Variants in AGTPBP1 observed in about 807,000 individuals in gnomAD.
AGTPBP1 encodes the protein cytosolic carboxypeptidase 1.
In AGTPBP1, 70 loss-of-function variants were observed where a neutral mutation model predicts 143.9. The observed-to-expected ratio is 0.49, with a 90% CI of 0.40 to 0.59. The LOEUF is 0.59. Ranked by LOEUF, AGTPBP1 falls within the 20% of genes least tolerant of loss-of-function variation. The probability of loss-of-function intolerance (pLI) is 0.00; values close to 1 mark genes in which losing one functional copy is unlikely to be tolerated. For missense variants in AGTPBP1, 1,229 were observed against 1,464.5 expected (o/e 0.84, Z 2.62); for synonymous variants, 463 against 500.2 (o/e 0.93, Z 0.99).
chr9:85,577,731 CTTAT>C (rs1827987019), intron 24 of AGTPBP1, among the ~76,000 whole-genome samples: 1 of 152,170 alleles, frequency 6.6e-6, no homozygotes, highest in Admixed American at 6.5e-5. Context: ...TACTACTATA[CTTAT>C]TTAAGTAAAT....
the AGTPBP1 span, chr9:85,770,359 A>G: frequency 4.4e-6 from 7 of 1,607,240 alleles, no homozygotes; most frequent in Non-Finnish European, 3.4e-6. Context: ...GAATGAAAGT[A>G]TCCAGAATTG....
chr9:85,660,099 A>G (rs1404853726), intron 9 of AGTPBP1, among the ~76,000 whole-genome samples: 2 of 151,620 alleles, frequency 1.3e-5, no homozygotes, highest in African/African-American at 4.8e-5. Context: ...AAAAAAAAAG[A>G]GTTCTGGCAA....
intron 11 of AGTPBP1, among the ~76,000 whole-genome samples, chr9:85,652,330 GA>G (rs1241776169): frequency 2.6e-5 from 4 of 152,108 alleles, no homozygotes; most frequent in Non-Finnish European, 5.9e-5. Context: ...CCAACATGGT[GA>G]AACCCCGTCT....
chr9:85,648,751 G>A (rs1056224761), intron 11 of AGTPBP1, among the ~76,000 whole-genome samples: 1 of 152,146 alleles, frequency 6.6e-6, no homozygotes, highest in African/African-American at 2.4e-5. Context: ...GGTGGAGCTT[G>A]CAGTGAGCTG....
chr9:85,630,430 G>A (rs1357015663), intron 14 of AGTPBP1, among the ~76,000 whole-genome samples: 2 of 140,778 alleles, frequency 1.4e-5, no homozygotes, highest in South Asian at 2.3e-4. Flanking sequence ...ACAGAGTCTT[G>A]CTCTGTCACC....
chr9:85,765,495 T>A, the AGTPBP1 span, among the ~76,000 whole-genome samples: 2 of 152,204 alleles, frequency 1.3e-5, no homozygotes, highest in Non-Finnish European at 2.9e-5. Flanking sequence ...ACAGTTTTTT[T>A]AAAACTATAG....
At chr9:85,706,233 C>T (rs992214511) in intron 2 of AGTPBP1, among the ~76,000 whole-genome samples, 1 of 151,642 alleles carries the variant, frequency 6.6e-6, no homozygotes, top group Non-Finnish European at 1.5e-5. Flanking sequence ...AATAAATAGG[C>T]CAGGCACAAT....
intron 25 of AGTPBP1, among the ~76,000 whole-genome samples, chr9:85,567,549 G>A (rs1044466094): frequency 5.3e-5 from 8 of 152,216 alleles, no homozygotes; most frequent in Middle Eastern, 3.4e-3. Flanking sequence ...TCGAGATCGC[G>A]CCACTGTACT....
rs527911170 is a variant in AGTPBP1 at position 85,633,815 on chromosome 9, A to T, written c.1303-441T>A. ...CATTTGTATAGGGGTAGAAAAGAGGACTGTCAATACAACAAGTAATAAATA... is the reference window on the plus strand; with the variant it reads ...CATTTGTATAGGGGTAGAAAAGAGGTCTGTCAATACAACAAGTAATAAATA... On this transcript the variant is annotated intron_variant, in intron 13 of 25. Coordinates refer to ENST00000357081, the MANE Select transcript of AGTPBP1 (RefSeq NM_001330701.2). 4.6e-5 allele frequency among the ~76,000 whole-genome samples: 7 copies of T among 152,156 alleles called. No homozygotes were observed. The South Asian group carries it at 1.2e-3, about 27-fold the overall frequency.
the AGTPBP1 span, among the ~76,000 whole-genome samples, chr9:85,782,837 C>T: frequency 6.6e-6 from 1 of 152,176 alleles, no homozygotes; most frequent in African/African-American, 2.4e-5. Context: ...GAGGTGTTTA[C>T]TGATGTAACT....
chr9:85,665,366 A>C (rs1413265508), intron 8 of AGTPBP1, among the ~76,000 whole-genome samples: 1 of 152,154 alleles, frequency 6.6e-6, no homozygotes, highest in Non-Finnish European at 1.5e-5. Context: ...AGGAAGAAGC[A>C]AGGAAGGATG....
the AGTPBP1 span, chr9:85,774,175 T>C: frequency 3.0e-6 from 2 of 656,520 alleles, no homozygotes; most frequent in Non-Finnish European, 2.7e-6. Flanking sequence ...GCTTTACATG[T>C]TTTGGTTGCC....
chr9:85,733,169 G>A (rs906052303), intron 1 of AGTPBP1, among the ~76,000 whole-genome samples: 8 of 152,066 alleles, frequency 5.3e-5, no homozygotes, highest in Non-Finnish European at 7.4e-5. Flanking sequence ...CTCAACAACA[G>A]AATATAAATT....
chr9:85,657,645 T>C lies in AGTPBP1; in HGVS notation c.701-2A>G, dbSNP rs1183153993. 1 of 1,590,608 alleles carries C rather than the reference T, an allele frequency of 6.3e-7. No individual in the cohort carries two copies. The highest frequency in any genetic ancestry group is 8.5e-7 in the Non-Finnish European group (1 of 1,169,640). ...CTACAGCTCTCCTGGCATTTGTTTC[T>C]TTAACAAAAGAAGATTGAGAAAGAA... On this transcript the variant is annotated splice_acceptor_variant, in intron 9 of 25. Transcript: ENST00000357081. LOFTEE classifies it high-confidence loss of function.
At chr9:85,619,490 A>G (rs1464005444) in intron 15 of AGTPBP1, among the ~76,000 whole-genome samples, 189 bp from the exon 16 acceptor site, 1 of 152,222 alleles carries the variant, frequency 6.6e-6, no homozygotes, top group Admixed American at 6.5e-5. Context: ...GACAAAACTT[A>G]TAATAAGAGA....
At chr9:85,714,905 G>A (rs1479416795) in intron 1 of AGTPBP1, among the ~76,000 whole-genome samples, 2 of 151,968 alleles carry the variant, frequency 1.3e-5, no homozygotes, top group Non-Finnish European at 2.9e-5. Flanking sequence ...AAGACAACGT[G>A]GTGTAATGCC....
At chr9:85,669,423 A>G in intron 8 of AGTPBP1, 62 bp downstream of exon 8, 1 of 1,000,670 alleles carries the variant, frequency 1.0e-6, no homozygotes, top group Admixed American at 2.0e-5. Flanking sequence ...GTACATATCA[A>G]GATAATGAGG....
chr9:85,596,448 A>G lies in AGTPBP1; in HGVS notation c.2337T>C (p.Gly779=), dbSNP rs112063816. 12 of 1,579,992 alleles carry G rather than the reference A, an allele frequency of 7.6e-6. No homozygotes were observed. Among genetic ancestry groups the G allele is most frequent in the African/African-American group, 4.1e-5 (3 of 74,060 alleles). Residue 779 remains glycine, a splice_region_variant and synonymous_variant, in exon 18 of 26, where the codon GGT becomes GGC. Coordinates refer to ENST00000357081, the MANE Select transcript of AGTPBP1 (RefSeq NM_001330701.2). ...CEKSNSQFNY[G]MQPLMYSVQE... ...GAACCGAATACATGAGTGGTTGCAT[A>G]CCTTTGAAAGAGAGAAAAAAAGAGA... is the stretch of plus-strand genomic sequence containing the variant.
the AGTPBP1 span, among the ~76,000 whole-genome samples, chr9:85,747,252 G>A: frequency 1.3e-5 from 2 of 152,142 alleles, no homozygotes; most frequent in Non-Finnish European, 2.9e-5. Context: ...CCTCATGCTA[G>A]TATCACACTA....
Sources: gnomAD v4.1 joint callset for allele counts (sites outside exome capture counted in the v4.1 genomes callset) on GRCh38, gnomAD v4.1.1 for gene constraint, MANE v1.5 for transcripts, NCBI Gene and HGNC (gene_info 2026-07-23, HGNC 2026-07-21) for gene names.